Variants in SERPINA10 observed in about 807,000 individuals in gnomAD.
The protein encoded by SERPINA10 is protein Z-dependent protease inhibitor.
In SERPINA10, 24 loss-of-function variants were observed where a neutral mutation model predicts 28.0. The observed-to-expected ratio is 0.86, with a 90% CI of 0.62 to 1.20. The LOEUF is 1.20. Among genes scored for constraint, SERPINA10 ranks in the 50% most tolerant of loss-of-function variants. The probability of loss-of-function intolerance (pLI) is 0.00; values close to 1 mark genes in which losing one functional copy is unlikely to be tolerated. For synonymous variants in SERPINA10, 207 were observed against 203.9 expected, an observed-to-expected ratio of 1.02 and a Z score of -0.13; for missense variants, 521 against 537.7, an observed-to-expected ratio of 0.97 and a Z score of 0.31.
At chr14:94,285,292 C>A (rs549491775) in intron 4 of SERPINA10, among the ~76,000 whole-genome samples, 5 of 152,186 alleles carry the variant, frequency 3.3e-5, no homozygotes, top group Admixed American at 1.3e-4. Flanking sequence ...CTGCTCTGGA[C>A]AACAAGCAGT....
rs1894955337 is a variant in SERPINA10, at chr14:94,283,900, T to C, written c.*65A>G. ...CCCCTGCCATCCATTGCTGGTATCC[T>C]GTGTGTGTTTGATACCTCAGATTCA... is the stretch of plus-strand genomic sequence containing the variant. On this transcript the variant is annotated 3_prime_UTR_variant, in exon 5 of 5. Transcript: ENST00000261994. 6.8e-7 allele frequency: 1 copy of C among 1,466,340 alleles called. No individual in the cohort carries two copies. The highest frequency in any genetic ancestry group is 1.1e-5 in the South Asian group (1 of 87,966). The allele number at this position is 1,466,340 out of a possible 1,614,324, so 90.8% of individuals were successfully genotyped here.
chr14:94,288,675 G>T lies in SERPINA10; in HGVS notation c.719-116C>A. 5.1e-6 allele frequency: 7 copies of T among 1,377,306 alleles called. No homozygotes were observed. In the South Asian group the frequency reaches 7.3e-5, roughly 14 times the overall value. The allele number at this position is 1,377,306 out of a possible 1,614,324, so 85.3% of individuals were successfully genotyped here. ...CACTTCTCTCACTTCTCGTCTTCTC[G>T]TTCCAACTAGGAAAGGCGTTCCCTA... On this transcript the variant is annotated intron_variant, in intron 2 of 4. Coordinates refer to ENST00000261994, the MANE Select transcript of SERPINA10 (RefSeq NM_001100607.3).
In SERPINA10 at chr14:94,283,238, C is replaced by G. The variant is rs1227785749; in HGVS notation, c.*727G>C. 2 of 152,198 alleles carry G rather than the reference C, an allele frequency of 1.3e-5. No individual in the cohort carries two copies. Among genetic ancestry groups the G allele is most frequent in the African/African-American group, 4.8e-5 (2 of 41,438 alleles). 9.4% of individuals were successfully genotyped at this position (152,198 alleles called of 1,614,324 possible). ...TGAGCAACAGAGAAAAGATATTCTA[C>G]CCAGCTAGTCTTTAGCCAAGTAACT... On this transcript the variant is annotated 3_prime_UTR_variant, in exon 5 of 5. Transcript: ENST00000261994.
At chr14:94,292,975 C>T (rs1016357498) in intron 1 of SERPINA10, 1 of 394,944 alleles carries the variant, frequency 2.5e-6, no homozygotes, top group African/African-American at 2.0e-5. Flanking sequence ...TGGCCTCCTT[C>T]CTGCAGAGGA....
At chr14:94,292,438 T>C (rs1429348534) in intron 1 of SERPINA10, among the ~76,000 whole-genome samples, 1 of 152,142 alleles carries the variant, frequency 6.6e-6, no homozygotes, top group Non-Finnish European at 1.5e-5. Context: ...TGTGGTGTTT[T>C]GTTAGAGGAG....
chr14:94,284,982 TG>T (rs1894985444), intron 4 of SERPINA10, among the ~76,000 whole-genome samples: 2 of 152,238 alleles, frequency 1.3e-5, no homozygotes, highest in Non-Finnish European at 2.9e-5. Context: ...TTTCAGGTGC[TG>T]GTCTGACGGA....
At chr14:94,291,182 C>G (rs899800154) in intron 1 of SERPINA10, among the ~76,000 whole-genome samples, 1 of 152,182 alleles carries the variant, frequency 6.6e-6, no homozygotes, top group Non-Finnish European at 1.5e-5. Flanking sequence ...TCAAAATTCT[C>G]TTTGCACTGC....
chr14:94,289,199 AC>A (rs1393258724), intron 2 of SERPINA10, among the ~76,000 whole-genome samples: 1 of 152,160 alleles, frequency 6.6e-6, no homozygotes, highest in Non-Finnish European at 1.5e-5. Context: ...GTGGCATCCA[AC>A]CCACGTCCAG....
At position 94,281,889 on chromosome 14, in the gene SERPINA10, C is replaced by T. The variant is rs1380886626; in HGVS notation, c.*2076G>A. ...TTGTGCTCTCACAGACTTATTTTTC[C>T]AGATTTCATCTCTTAAAAGTGGGAA... is the stretch of plus-strand genomic sequence containing the variant. On this transcript the variant is annotated 3_prime_UTR_variant, in exon 5 of 5. Coordinates refer to ENST00000261994, the MANE Select transcript of SERPINA10 (RefSeq NM_001100607.3). The T allele has an allele frequency of 6.6e-6, 1 of 152,376 alleles. No homozygotes were observed. The highest frequency in any genetic ancestry group is 1.5e-5 in the Non-Finnish European group (1 of 67,996). 9.4% of individuals were successfully genotyped at this position (152,376 alleles called of 1,614,324 possible). A position where few individuals can be genotyped will look rare whatever the true frequency, so the allele number is the denominator to read the frequency against.
chr14:94,283,782 G>A lies in SERPINA10; in HGVS notation c.*183C>T. 1.6e-6 allele frequency: 1 copy of A among 637,042 alleles called. No homozygotes were observed. Among genetic ancestry groups the A allele is most frequent in the Admixed American group, 2.6e-5 (1 of 37,880 alleles). 39.5% of individuals were successfully genotyped at this position (637,042 alleles called of 1,614,324 possible). A position where few individuals can be genotyped will look rare whatever the true frequency, so the allele number is the denominator to read the frequency against. ...CTGTCCACCGTTTCAGGCATCTGCT[G>A]GGGGTCTTTGAATGTATCCCCCTCA... is the stretch of plus-strand genomic sequence containing the variant. On this transcript the variant is annotated 3_prime_UTR_variant, in exon 5 of 5. Transcript: ENST00000261994.
chr14:94,285,485 A>ATATATATATATATGTGTGTG (rs1491523721), intron 4 of SERPINA10, among the ~76,000 whole-genome samples: 1 of 147,474 alleles, frequency 6.8e-6, no homozygotes, highest in Non-Finnish European at 1.5e-5. Context: ...GTCTCTCTCC[A>ATATATATATATATGTGTGTG]TATATATATA....
At chr14:94,288,097 G>A (rs973426876) in intron 3 of SERPINA10, among the ~76,000 whole-genome samples, 189 bp downstream of exon 3, 4 of 152,208 alleles carry the variant, frequency 2.6e-5, no homozygotes, top group African/African-American at 9.6e-5. Flanking sequence ...CTCAATGAAT[G>A]AATCAGCCAG....
chr14:94,286,583 A>T (rs1252254510), intron 3 of SERPINA10, among the ~76,000 whole-genome samples: 1 of 152,240 alleles, frequency 6.6e-6, no homozygotes, highest in African/African-American at 2.4e-5. Flanking sequence ...AGCCTCCTGG[A>T]TGATGGCTGT....
intron 4 of SERPINA10, among the ~76,000 whole-genome samples, chr14:94,285,440 ACTCTCT>A (rs56382462): frequency 1.4e-5 from 2 of 143,720 alleles, no homozygotes; most frequent in African/African-American, 2.6e-5. Context: ...AAGTTACAGG[ACTCTCT>A]CTCTCTCTCT....
chr14:94,288,897 C>G (rs981125004), intron 2 of SERPINA10, among the ~76,000 whole-genome samples: 3 of 152,184 alleles, frequency 2.0e-5, no homozygotes, highest in African/African-American at 7.2e-5. Context: ...ACAGTCGTTC[C>G]CTCATAGTTG....
chr14:94,284,131 A>T lies in SERPINA10; in HGVS notation c.1169T>A (p.Val390Asp). Reference protein sequence around the residue: ...SRVLQRTVIEVDERGTEAVAG... With the variant: ...SRVLQRTVIEDDERGTEAVAG... Reference sequence around the variant, plus strand: ...CACTGCCTCAGTGCCCCTTTCATCAACTTCAATCACTGTTCTTTGTAAAAC... The same window carrying T: ...CACTGCCTCAGTGCCCCTTTCATCATCTTCAATCACTGTTCTTTGTAAAAC... Residue 390 changes from valine (V) to aspartate (D), a missense_variant, in exon 5 of 5, where the codon GTT (valine) becomes GAT (aspartate). Physicochemically the swap from Val to Asp is radical, Grantham distance 152. Coordinates refer to ENST00000261994, the MANE Select transcript of SERPINA10 (RefSeq NM_001100607.3). 1.2e-6 allele frequency: 2 copies of T among 1,614,158 alleles called. No homozygotes were observed. The highest frequency in any genetic ancestry group is 1.7e-6 in the Non-Finnish European group (2 of 1,179,994).
chr14:94,287,345 T>C (rs1895049883), intron 3 of SERPINA10, among the ~76,000 whole-genome samples: 1 of 152,210 alleles, frequency 6.6e-6, no homozygotes, highest in Non-Finnish European at 1.5e-5. Context: ...GTCTTTCCAG[T>C]TGCTAAGGCC....
chr14:94,280,591 T>G lies in SERPINA10; in HGVS notation c.*3374A>C, dbSNP rs1894874599. 6.6e-6 allele frequency: 1 copy of G among 152,226 alleles called. No homozygotes were observed. The highest frequency in any genetic ancestry group is 2.1e-4 in the South Asian group (1 of 4,832). The allele number at this position is 152,226 out of a possible 1,614,324, so 9.4% of individuals were successfully genotyped here. A position where few individuals can be genotyped will look rare whatever the true frequency, so the allele number is the denominator to read the frequency against. On this transcript the variant is annotated 3_prime_UTR_variant, in exon 5 of 5. Coordinates refer to ENST00000261994, the MANE Select transcript of SERPINA10 (RefSeq NM_001100607.3). ...TTTATATCAAAAACAAGATGGATAC[T>G]TTTGTGAAAGTTCTCAGTTTAACAA...
At position 94,284,045 on chromosome 14, in the gene SERPINA10, G is replaced by T; in HGVS notation, c.1255C>A (p.Pro419Thr). The T allele has an allele frequency of 6.2e-7, 1 of 1,614,194 alleles. No homozygotes were observed. Among genetic ancestry groups the T allele is most frequent in the Non-Finnish European group, 8.5e-7 (1 of 1,180,036 alleles). ...TCTTCATAGATCATGAAATGAAATG[G>T]CCGGTCCACTTTGATGACAGGAGGC... ...SMPPVIKVDR[P>T]FHFMIYEETS... Residue 419 changes from proline to threonine, a missense_variant, in exon 5 of 5, where the codon CCA becomes ACA. Coordinates refer to ENST00000261994, the MANE Select transcript of SERPINA10 (RefSeq NM_001100607.3).
Sources: allele counts gnomAD v4.1 joint callset (sites outside exome capture counted in the v4.1 genomes callset), GRCh38; gene constraint gnomAD v4.1.1; transcripts MANE v1.5; gene names NCBI Gene and HGNC (gene_info 2026-07-23, HGNC 2026-07-21).